The following BMP5 variants were observed in gnomAD, a reference collection of about 807,000 sequenced individuals.
BMP5 encodes the protein bone morphogenetic protein 5.
Under a neutral mutation model 46.6 loss-of-function variants are expected in BMP5, and 23 were observed. That is an observed-to-expected ratio of 0.49 (90% CI 0.35 to 0.70). The LOEUF is 0.70. BMP5 is among the 30% of genes least tolerant of loss of function. The pLI is 0.00. For missense variants in BMP5, 545 were observed against 565.6 expected, an observed-to-expected ratio of 0.96 and a Z score of 0.37; for synonymous variants, 204 against 191.9, an observed-to-expected ratio of 1.06 and a Z score of -0.52.
intron 2 of BMP5, among the ~76,000 whole-genome samples, chr6:55,810,444 C>A (rs1448875760): frequency 6.6e-6 from 1 of 152,106 alleles, no homozygotes; most frequent in Non-Finnish European, 1.5e-5. Flanking sequence ...GGTTTCCTGG[C>A]ATTACATCAT....
chr6:55,783,456 A>G (rs1775374732), intron 3 of BMP5, among the ~76,000 whole-genome samples: 1 of 152,032 alleles, frequency 6.6e-6, no homozygotes, highest in Admixed American at 6.6e-5. Flanking sequence ...TCAGCAGTAT[A>G]GATACACTGT....
chr6:55,861,521 T>A (rs1437436425), intron 1 of BMP5, among the ~76,000 whole-genome samples: 1 of 152,246 alleles, frequency 6.6e-6, no homozygotes, highest in Admixed American at 6.5e-5. Context: ...ATCTTTCCAC[T>A]CCTCATTACT....
intron 2 of BMP5, among the ~76,000 whole-genome samples, chr6:55,799,016 A>G (rs1275251390): frequency 6.6e-6 from 1 of 152,200 alleles, no homozygotes; most frequent in African/African-American, 2.4e-5. Flanking sequence ...TATAGAAGCT[A>G]TATAGCTAAG....
intron 5 of BMP5, 100 bp downstream of exon 5, chr6:55,760,357 A>G (rs950501259): frequency 7.3e-5 from 75 of 1,027,280 alleles, no homozygotes; most frequent in Non-Finnish European, 1.1e-4. Context: ...GTCAAAAATC[A>G]TTGGGTATTA....
chr6:55,791,196 G>A (rs1427789892), intron 3 of BMP5, among the ~76,000 whole-genome samples: 1 of 152,166 alleles, frequency 6.6e-6, no homozygotes, highest in East Asian at 1.9e-4. Context: ...GCTGTAATAA[G>A]CTGAAGCATC....
intron 6 of BMP5, among the ~76,000 whole-genome samples, chr6:55,758,356 T>A (rs1336666951): frequency 2.6e-5 from 4 of 151,872 alleles, no homozygotes; most frequent in African/African-American, 9.7e-5. Context: ...ATAGGTTTCA[T>A]GAGCTCATTA....
At chr6:55,794,495 G>T (rs1775658730) in intron 2 of BMP5, 68 bp from the exon 3 acceptor site, 1 of 1,498,202 alleles carries the variant, frequency 6.7e-7, no homozygotes. Flanking sequence ...CTAGACTTAA[G>T]TGAAAACATT....
intron 1 of BMP5, among the ~76,000 whole-genome samples, chr6:55,862,550 A>G (rs1177371136): frequency 2.0e-5 from 3 of 152,194 alleles, no homozygotes; most frequent in African/African-American, 7.2e-5. Flanking sequence ...TGAAGAAGTA[A>G]GATAGGGCCA....
At chr6:55,864,897 G>A (rs888811574) in intron 1 of BMP5, among the ~76,000 whole-genome samples, 5 of 151,084 alleles carry the variant, frequency 3.3e-5, no homozygotes, top group Non-Finnish European at 7.4e-5. Flanking sequence ...ATATTTAATA[G>A]CCGCATCTGA....
At chr6:55,853,789 G>A (rs1010674961) in intron 1 of BMP5, among the ~76,000 whole-genome samples, 7 of 152,180 alleles carry the variant, frequency 4.6e-5, no homozygotes, top group Admixed American at 2.0e-4. Flanking sequence ...TACACATGGG[G>A]TGAGTAAGAA....
intron 1 of BMP5, among the ~76,000 whole-genome samples, chr6:55,842,914 C>A (rs1776997614): frequency 6.6e-6 from 1 of 152,020 alleles, no homozygotes; most frequent in South Asian, 2.1e-4. Flanking sequence ...TTACATATAT[C>A]AACTGTAAAA....
intron 3 of BMP5, among the ~76,000 whole-genome samples, chr6:55,786,222 C>T (rs955765848): frequency 6.6e-6 from 1 of 151,724 alleles, no homozygotes; most frequent in Non-Finnish European, 1.5e-5. Context: ...TCACTGTACC[C>T]TCTCTACATA....
intron 1 of BMP5, among the ~76,000 whole-genome samples, chr6:55,861,321 C>T (rs1011190132): frequency 6.6e-5 from 10 of 152,202 alleles, no homozygotes; most frequent in African/African-American, 2.4e-4. Context: ...CCTTCTAGAC[C>T]GGCCAGCAGG....
At chr6:55,867,325 C>T (rs1777669993) in intron 1 of BMP5, among the ~76,000 whole-genome samples, 1 of 152,092 alleles carries the variant, frequency 6.6e-6, no homozygotes, top group Admixed American at 6.6e-5. Context: ...TAACTATGCC[C>T]CCTGCCCAGG....
chr6:55,774,216 C>A lies in BMP5; in HGVS notation c.860G>T (p.Gly287Val). 6.2e-7 allele frequency: 1 copy of A among 1,612,976 alleles called. No individual in the cohort carries two copies. The highest frequency in any genetic ancestry group is 8.5e-7 in the Non-Finnish European group (1 of 1,179,320). ...CTGAGGTCCCTGTCTTCCCACAAGA[C>A]CAGCAGATTTTACGTTGATACTGCG... Reference protein sequence around the residue: ...DGRSINVKSAGLVGRQGPQSK... With the variant: ...DGRSINVKSAVLVGRQGPQSK... The change falls in exon 4 of 7, where the codon GGT (glycine) becomes GTT (valine). Residue 287 changes from glycine to valine, a missense_variant. By Grantham distance (109) the Gly-to-Val change is moderately radical (BLOSUM62 -3). Coordinates refer to ENST00000370830, the MANE Select transcript of BMP5 (RefSeq NM_021073.4).
chr6:55,874,335 C>CAAATTTG (rs1423661871), intron 1 of BMP5, 41 bp downstream of exon 1: 2 of 1,611,826 alleles, frequency 1.2e-6, no homozygotes, highest in South Asian at 2.2e-5. Flanking sequence ...AAAACTTCCA[C>CAAATTTG]TTTGTAATAA....
intron 1 of BMP5, among the ~76,000 whole-genome samples, chr6:55,829,858 A>G (rs1015482885): frequency 5.3e-5 from 8 of 152,152 alleles, no homozygotes; most frequent in African/African-American, 1.9e-4. Context: ...TTTCTTATGC[A>G]TATAAAAATA....
intron 1 of BMP5, among the ~76,000 whole-genome samples, chr6:55,872,098 T>C (rs536288892): frequency 5.3e-5 from 8 of 151,926 alleles, no homozygotes; most frequent in African/African-American, 1.9e-4. Flanking sequence ...ATTTATTTGA[T>C]TATAAAAGAA....
At chr6:55,775,101 T>C (rs1775142143) in intron 3 of BMP5, among the ~76,000 whole-genome samples, 1 of 152,042 alleles carries the variant, frequency 6.6e-6, no homozygotes, top group South Asian at 2.1e-4. Context: ...ATGTGTTCTT[T>C]GATGTGGTTA....
Sources: allele counts gnomAD v4.1 joint callset (sites outside exome capture counted in the v4.1 genomes callset), GRCh38; gene constraint gnomAD v4.1.1; transcripts MANE v1.5; gene names NCBI Gene and HGNC (gene_info 2026-07-23, HGNC 2026-07-21).